Variants in PPP4R1 observed in about 807,000 individuals in gnomAD.
PPP4R1 encodes the protein protein phosphatase 4 regulatory subunit 1, also known as serine/threonine-protein phosphatase 4 regulatory subunit 1.
PPP4R1 carries 42 observed loss-of-function variants against 111.2 expected under a neutral mutation model. The observed-to-expected ratio is 0.38, with a 90% CI of 0.29 to 0.49. The LOEUF is 0.49. Ranked by LOEUF, PPP4R1 falls within the 20% of genes least tolerant of loss-of-function variation. PPP4R1 has a pLI of 0.97. For synonymous variants in PPP4R1, 409 were observed against 405.5 expected, an observed-to-expected ratio of 1.01 and a Z score of -0.10; for missense variants, 1,012 against 1,161.6, an observed-to-expected ratio of 0.87 and a Z score of 1.87.
intron 2 of PPP4R1, among the ~76,000 whole-genome samples, chr18:9,606,662 T>A (rs981680232): frequency 1.3e-5 from 2 of 151,964 alleles, no homozygotes; most frequent in Admixed American, 6.6e-5. Flanking sequence ...GTATACTATA[T>A]GTATATTCAT....
chr18:9,602,291 G>A (rs1002701312), intron 2 of PPP4R1, among the ~76,000 whole-genome samples: 1 of 150,146 alleles, frequency 6.7e-6, no homozygotes, highest in African/African-American at 2.5e-5. Context: ...CAACACTTTG[G>A]GAGGCCAAGG....
intron 10 of PPP4R1, among the ~76,000 whole-genome samples, chr18:9,573,935 G>C (rs2066899559): frequency 6.6e-6 from 1 of 152,104 alleles, no homozygotes; most frequent in Admixed American, 6.6e-5. Context: ...AGTTTCCCTA[G>C]TACAGTATTA....
At chr18:9,613,964 G>C in intron 2 of PPP4R1, 2 of 260,232 alleles carry the variant, frequency 7.7e-6, no homozygotes, top group East Asian at 1.3e-4. Context: ...AGGCGATTCG[G>C]GGGCGCCGGG....
chr18:9,599,940 A>T (rs1568124576), intron 2 of PPP4R1, among the ~76,000 whole-genome samples: 1 of 152,160 alleles, frequency 6.6e-6, no homozygotes, highest in Non-Finnish European at 1.5e-5. Context: ...AGATACCTAG[A>T]TCCCACACTC....
intron 15 of PPP4R1, 31 bp downstream of exon 15, chr18:9,557,190 G>A (rs1242529702): frequency 1.3e-6 from 2 of 1,532,602 alleles, no homozygotes; most frequent in Admixed American, 2.2e-5. Context: ...GAATTTTGTT[G>A]TGTTTTTATG....
At chr18:9,575,942 G>A (rs1375921221) in intron 10 of PPP4R1, among the ~76,000 whole-genome samples, 1 of 152,156 alleles carries the variant, frequency 6.6e-6, no homozygotes, top group Non-Finnish European at 1.5e-5. Flanking sequence ...TTTCAAAAAT[G>A]AAAAATAGAT....
chr18:9,574,052 G>A (rs1296543604), intron 10 of PPP4R1, among the ~76,000 whole-genome samples: 1 of 152,070 alleles, frequency 6.6e-6, no homozygotes, highest in Non-Finnish European at 1.5e-5. Context: ...ACAAAATCAA[G>A]CTGTTCAATG....
At chr18:9,601,012 A>T (rs2067372699) in intron 2 of PPP4R1, among the ~76,000 whole-genome samples, 1 of 152,208 alleles carries the variant, frequency 6.6e-6, no homozygotes, top group Non-Finnish European at 1.5e-5. Flanking sequence ...GCTCTGCATA[A>T]CTAAAGTTTA....
At chr18:9,566,387 C>T (rs956751726) in intron 11 of PPP4R1, among the ~76,000 whole-genome samples, 27 of 151,728 alleles carry the variant, frequency 1.8e-4, no homozygotes, top group Middle Eastern at 3.4e-3. Context: ...TGGTGGCTCA[C>T]GCCTGTAATC....
chr18:9,612,627 G>A (rs1172019898), intron 2 of PPP4R1: 2 of 152,158 alleles, frequency 1.3e-5, no homozygotes, highest in East Asian at 1.9e-4. Flanking sequence ...TTCTATTTAC[G>A]AAGTCGAACA....
intron 8 of PPP4R1, among the ~76,000 whole-genome samples, chr18:9,584,100 A>G (rs778681736): frequency 1.3e-5 from 2 of 152,242 alleles, no homozygotes; most frequent in African/African-American, 2.4e-5. Context: ...ATTATTTTGC[A>G]TAAGAGATGG....
chr18:9,588,370 T>C (rs2067155565), intron 5 of PPP4R1, 135 bp from the exon 6 acceptor site: 2 of 1,001,928 alleles, frequency 2.0e-6, no homozygotes, highest in East Asian at 5.2e-5. Context: ...AATATTTGTG[T>C]TTATTTTCTT....
In PPP4R1 at chr18:9,614,077, C is replaced by T. The variant is rs2067638022; in HGVS notation, c.52+149G>A. ...CGTTTCCTCACGGACGCGAGATTTT[C>T]CCCCCCGATCGCCACCCCAGCCCGC... On this transcript the variant is annotated intron_variant, in intron 2 of 19. Coordinates refer to ENST00000400556, the MANE Select transcript of PPP4R1 (RefSeq NM_001042388.3). The surrounding 1 kb of genome is among the most constrained non-coding windows in gnomAD (Gnocchi z 4.1). 1.3e-5 allele frequency: 7 copies of T among 553,868 alleles called. No homozygotes were observed. Among genetic ancestry groups the T allele is most frequent in the South Asian group, 8.2e-5 (1 of 12,196 alleles). The allele number at this position is 553,868 out of a possible 1,614,324, so 34.3% of individuals were successfully genotyped here. A position where few individuals can be genotyped will look rare whatever the true frequency, so the allele number is the denominator to read the frequency against.
chr18:9,573,424 T>G (rs1449714623), intron 10 of PPP4R1, among the ~76,000 whole-genome samples: 8 of 152,228 alleles, frequency 5.3e-5, no homozygotes, highest in South Asian at 2.1e-4. Flanking sequence ...TTGGAAAATC[T>G]ACATGGATAT....
chr18:9,601,541 A>C (rs931290538), intron 2 of PPP4R1, among the ~76,000 whole-genome samples: 1 of 151,962 alleles, frequency 6.6e-6, no homozygotes, highest in African/African-American at 2.4e-5. Context: ...TAAATAAATA[A>C]TTTTTTTAAA....
intron 11 of PPP4R1, chr18:9,563,995 GTTACAT>G (rs999423559): frequency 3.1e-4 from 47 of 153,122 alleles, no homozygotes; most frequent in African/African-American, 1.1e-3. Flanking sequence ...TCTTGTCACA[GTTACAT>G]TTAAACATCT....
Position 9,584,710 on chromosome 18 carries a change from C to CA in PPP4R1, c.693+10dup, listed in dbSNP as rs988745267. ...TTCTTAAACAGCAGAAAAAAAACGA[C>CA]AAAAAAATACCTTTCGAACGTGAAA... On this transcript the variant is annotated intron_variant, in intron 7 of 19. Coordinates refer to ENST00000400556, the MANE Select transcript of PPP4R1 (RefSeq NM_001042388.3). 6.2e-7 allele frequency: 1 copy of CA among 1,612,360 alleles called. No homozygotes were observed. Among genetic ancestry groups the CA allele is most frequent in the African/African-American group, 1.3e-5 (1 of 74,948 alleles).
In PPP4R1 at chr18:9,588,231, C is replaced by T; in HGVS notation, c.443G>A (p.Arg148Lys). ...RYLADQNNQV[R>K]KTSQAALLAL... ...CAGCAAAGCTGCCTGACTTGTTTTC[C>T]TCACCTAGGAGAAAAATAACAACAC... Residue 148 changes from arginine (R) to lysine (K), a missense_variant, in exon 6 of 20, where the codon AGG (arginine) becomes AAG (lysine). Physicochemically the swap from Arg to Lys is conservative, Grantham distance 26. Coordinates refer to ENST00000400556, the MANE Select transcript of PPP4R1 (RefSeq NM_001042388.3). 1 of 1,613,098 alleles carries T rather than the reference C, an allele frequency of 6.2e-7. No homozygotes were observed. Among genetic ancestry groups the T allele is most frequent in the Non-Finnish European group, 8.5e-7 (1 of 1,179,632 alleles).
chr18:9,553,274 A>C (rs2066517938), intron 16 of PPP4R1, 48 bp downstream of exon 16: 2 of 1,351,212 alleles, frequency 1.5e-6, no homozygotes, highest in Non-Finnish European at 1.0e-6. Context: ...AAAATGAAGT[A>C]AATATATACC....
Sources: allele counts gnomAD v4.1 joint callset (sites outside exome capture counted in the v4.1 genomes callset), GRCh38; gene constraint gnomAD v4.1.1; non-coding constraint Gnocchi (gnomAD v3.1); transcripts MANE v1.5; gene names NCBI Gene and HGNC (gene_info 2026-07-23, HGNC 2026-07-21).